Variants in PCBD2 observed in about 807,000 individuals in gnomAD.
PCBD2 encodes the protein pterin-4 alpha-carbinolamine dehydratase 2, also known as pterin-4-alpha-carbinolamine dehydratase 2.
A neutral mutation model predicts 16.4 loss-of-function variants in PCBD2; 12 were observed. That is an observed-to-expected ratio of 0.73 (90% CI 0.47 to 1.19). The LOEUF is 1.19. PCBD2 is among the 50% of genes most tolerant of loss of function. PCBD2 has a pLI of 0.00. For synonymous variants in PCBD2, 58 were observed against 61.8 expected, an observed-to-expected ratio of 0.94 and a Z score of 0.29; for missense variants, 138 against 156.8, an observed-to-expected ratio of 0.88 and a Z score of 0.64.
intron 2 of PCBD2, chr5:134,928,571 A>C (rs2149534728): frequency 8.7e-6 from 2 of 229,296 alleles, no homozygotes; most frequent in Non-Finnish European, 1.7e-5. Flanking sequence ...GCGGTGGCTC[A>C]CGCCTGTAAT....
At chr5:134,951,673 A>C (rs1019014590) in intron 2 of PCBD2, among the ~76,000 whole-genome samples, 1 of 152,196 alleles carries the variant, frequency 6.6e-6, no homozygotes, top group Non-Finnish European at 1.5e-5. Flanking sequence ...ATATTAGCAA[A>C]TATTTTGATC....
chr5:134,939,386 T>C (rs1433575642), intron 2 of PCBD2, among the ~76,000 whole-genome samples: 1 of 152,012 alleles, frequency 6.6e-6, no homozygotes, highest in Non-Finnish European at 1.5e-5. Context: ...TTTGTATTTA[T>C]AACTTTTTAA....
intron 2 of PCBD2, among the ~76,000 whole-genome samples, chr5:134,950,376 C>T (rs565777018): frequency 5.9e-5 from 9 of 152,072 alleles, no homozygotes; most frequent in East Asian, 3.8e-4. Flanking sequence ...CTCTGAGTAA[C>T]GAAAGATTTG....
chr5:134,910,202 A>C (rs1396322026), intron 1 of PCBD2, 133 bp from the exon 2 acceptor site: 2 of 980,786 alleles, frequency 2.0e-6, no homozygotes, highest in Non-Finnish European at 3.0e-6. Flanking sequence ...CTTTAAGAGA[A>C]CAAAGGAATG....
In PCBD2 at chr5:134,959,085, A is replaced by C; in HGVS notation, c.262A>C (p.Asn88His). 2 of 1,614,092 alleles carry C rather than the reference A, an allele frequency of 1.2e-6. No individual in the cohort carries two copies. The highest frequency in any genetic ancestry group is 2.7e-5 in the African/African-American group (2 of 75,060). ...AGTTGCCCTACAAGCAGAGAAGATG[A>C]ATCATCACCCAGAATGGTTCAATGT... ...SRVALQAEKMNHHPEWFNVYN... is the reference protein window; with the variant it reads ...SRVALQAEKMHHHPEWFNVYN... The change falls in exon 3 of 4, where the codon AAT becomes CAT. Residue 88 changes from asparagine to histidine, a missense_variant. Coordinates refer to ENST00000254908, the MANE Select transcript of PCBD2 (RefSeq NM_032151.5).
intron 2 of PCBD2, among the ~76,000 whole-genome samples, chr5:134,954,937 T>G (rs1239874935): frequency 6.6e-6 from 1 of 152,014 alleles, no homozygotes; most frequent in African/African-American, 2.4e-5. Flanking sequence ...AGATGGGGTT[T>G]CTCCATGTTG....
chr5:134,926,251 G>A (rs1453043435), intron 2 of PCBD2: 1 of 334,328 alleles, frequency 3.0e-6, no homozygotes, highest in Non-Finnish European at 5.4e-6. Context: ...TGTTTGGGTT[G>A]TTGCCCAGTG....
At chr5:134,909,593 G>A (rs1224893981) in intron 1 of PCBD2, among the ~76,000 whole-genome samples, 1 of 152,148 alleles carries the variant, frequency 6.6e-6, no homozygotes, top group African/African-American at 2.4e-5. Flanking sequence ...GCTTATTAGA[G>A]ATATAACAGA....
At chr5:134,906,194 A>ATT (rs1158334317) in intron 1 of PCBD2, among the ~76,000 whole-genome samples, 7,157 of 66,514 alleles carry the variant, frequency 0.11, 1,248 homozygotes, top group East Asian at 0.22. Context: ...TAATAGAAGA[A>ATT]TTTTTTTTTT....
chr5:134,930,036 A>G (rs1751074368), intron 2 of PCBD2, among the ~76,000 whole-genome samples: 1 of 152,182 alleles, frequency 6.6e-6, no homozygotes, highest in African/African-American at 2.4e-5. Context: ...GAGCTTTGAT[A>G]TAGGGCCTAT....
chr5:134,956,312 G>A (rs1751414828), intron 2 of PCBD2, among the ~76,000 whole-genome samples: 2 of 152,258 alleles, frequency 1.3e-5, no homozygotes, highest in East Asian at 1.9e-4. Flanking sequence ...ATGTAGATAT[G>A]GTAGATGTTT....
intron 2 of PCBD2, among the ~76,000 whole-genome samples, chr5:134,951,511 G>A (rs1751358388): frequency 6.6e-6 from 1 of 152,138 alleles, no homozygotes; most frequent in African/African-American, 2.4e-5. Context: ...TATGTCTGCA[G>A]CACAAATTCC....
intron 1 of PCBD2, among the ~76,000 whole-genome samples, chr5:134,908,206 G>A (rs1750721333): frequency 6.8e-6 from 1 of 147,884 alleles, no homozygotes; most frequent in South Asian, 2.1e-4. Context: ...ACAGATGTGA[G>A]CCACTGTGCC....
chr5:134,937,034 G>C (rs1751168681), intron 2 of PCBD2, among the ~76,000 whole-genome samples: 1 of 152,170 alleles, frequency 6.6e-6, no homozygotes, highest in African/African-American at 2.4e-5. Context: ...TGTGTGCATT[G>C]ACTTAAAAGG....
intron 2 of PCBD2, chr5:134,925,024 TG>T (rs1561909256): frequency 2.5e-6 from 1 of 394,796 alleles, no homozygotes; most frequent in Non-Finnish European, 4.5e-6. Flanking sequence ...GATTGTCATT[TG>T]GGGGGTGGAT....
At chr5:134,952,964 C>G (rs1176385556) in intron 2 of PCBD2, among the ~76,000 whole-genome samples, 1 of 151,790 alleles carries the variant, frequency 6.6e-6, no homozygotes, top group East Asian at 1.9e-4. Flanking sequence ...TTTATAAATG[C>G]AAATTACCCG....
rs1339653756 is a variant in PCBD2 at position 134,909,629 on chromosome 5, G to A, written c.85-706G>A. Among the ~76,000 whole-genome samples the A allele has an allele frequency of 2.0e-5, 3 of 152,320 alleles. No homozygotes were observed. In the East Asian group the frequency reaches 5.8e-4, roughly 29 times the overall value. On this transcript the variant is annotated intron_variant, in intron 1 of 3. Coordinates refer to ENST00000254908, the MANE Select transcript of PCBD2 (RefSeq NM_032151.5). ...GAGTAGTGAAGGCTACTGAGGTGAT[G>A]TAGGGCCATCCAAAGAGCAATAGAC...
rs1007409680 is a variant in PCBD2, at chr5:134,962,357, A to T, written c.*1676A>T. ...AATCCTCCTGCCTTGGCCTCTCAAA[A>T]TGTTGGGATTACAGGTGTGAGCCAC... On this transcript the variant is annotated 3_prime_UTR_variant, in exon 4 of 4. Transcript: ENST00000254908. 2.6e-5 allele frequency among the ~76,000 whole-genome samples: 4 copies of T among 151,564 alleles called. No individual in the cohort carries two copies. The highest frequency in any genetic ancestry group is 9.7e-5 in the African/African-American group (4 of 41,214).
chr5:134,920,762 TC>T (rs1750894162), intron 2 of PCBD2, among the ~76,000 whole-genome samples: 2 of 152,110 alleles, frequency 1.3e-5, no homozygotes, highest in South Asian at 4.1e-4. Context: ...TTCAAGCGAT[TC>T]TCCCACCTCA....
Sources: gnomAD v4.1 joint callset for allele counts (sites outside exome capture counted in the v4.1 genomes callset) on GRCh38, gnomAD v4.1.1 for gene constraint, MANE v1.5 for transcripts, NCBI Gene and HGNC (gene_info 2026-07-23, HGNC 2026-07-21) for gene names.